CDH13: variants seen among roughly 807,000 people sequenced by gnomAD.
The protein encoded by CDH13 is cadherin-13.
CDH13 carries 24 observed loss-of-function variants against 63.8 expected under a neutral mutation model. The observed-to-expected ratio is 0.38, with a 90% confidence interval of 0.27 to 0.53. CDH13 has a LOEUF of 0.53. CDH13 is among the 20% of genes least tolerant of loss of function. The pLI is 0.85. For synonymous variants in CDH13, 503 were observed against 355.3 expected, an observed-to-expected ratio of 1.42 and a Z score of -4.67; for missense variants, 1,049 against 903.1, an observed-to-expected ratio of 1.16 and a Z score of -2.07.
At chr16:83,049,536 C>T (rs887066533) in intron 3 of CDH13, among the ~76,000 whole-genome samples, 8 of 151,938 alleles carry the variant, frequency 5.3e-5, no homozygotes, top group Admixed American at 6.6e-5. Flanking sequence ...CGGGTTTCAC[C>T]GTGTTAGCCA....
intron 4 of CDH13, among the ~76,000 whole-genome samples, chr16:83,125,828 G>C (rs974282700): frequency 6.6e-6 from 1 of 152,080 alleles, no homozygotes; most frequent in African/African-American, 2.4e-5. Flanking sequence ...GGGCCCCCTA[G>C]GATGGTAGTA....
chr16:82,712,967 T>G (rs2032068214), intron 1 of CDH13, among the ~76,000 whole-genome samples: 1 of 152,140 alleles, frequency 6.6e-6, no homozygotes, highest in African/African-American at 2.4e-5. Context: ...TTTCTCTCTA[T>G]TGACCCTCAG....
intron 5 of CDH13, among the ~76,000 whole-genome samples, chr16:83,231,926 C>T (rs2040007508): frequency 6.6e-6 from 1 of 152,278 alleles, no homozygotes; most frequent in South Asian, 2.1e-4. Flanking sequence ...TCAGCTATTT[C>T]ACATGAGATC....
At chr16:83,141,848 ATTC>A (rs2036542216) in intron 4 of CDH13, among the ~76,000 whole-genome samples, 2 of 152,124 alleles carry the variant, frequency 1.3e-5, no homozygotes, top group African/African-American at 4.8e-5. Flanking sequence ...ACATGAATTC[ATTC>A]TTTTTTATGG....
intron 2 of CDH13, among the ~76,000 whole-genome samples, chr16:82,958,724 C>T (rs1343130362): frequency 2.0e-5 from 3 of 152,220 alleles, no homozygotes; most frequent in Admixed American, 1.3e-4. Context: ...AGCCGCAGGT[C>T]ACAGGCTCCA....
chr16:83,475,674 C>T (rs565238078), intron 6 of CDH13, among the ~76,000 whole-genome samples: 5 of 151,196 alleles, frequency 3.3e-5, no homozygotes, highest in South Asian at 2.1e-4. Context: ...CTTCGCCTCT[C>T]GTGTTCAAGC....
At chr16:83,711,872 T>C (rs1567539786) in intron 10 of CDH13, among the ~76,000 whole-genome samples, 1 of 152,226 alleles carries the variant, frequency 6.6e-6, no homozygotes, top group South Asian at 2.1e-4. Context: ...AGGGTTGCCA[T>C]AACAAAGTAC....
chr16:82,877,576 A>G (rs2040546063), intron 2 of CDH13, among the ~76,000 whole-genome samples: 1 of 152,176 alleles, frequency 6.6e-6, no homozygotes, highest in East Asian at 1.9e-4. Context: ...ACAGCAATGC[A>G]ATGGGGGGAA....
At chr16:82,864,162 C>A (rs535812636) in intron 2 of CDH13, among the ~76,000 whole-genome samples, 52 of 152,238 alleles carry the variant, frequency 3.4e-4, no homozygotes, top group African/African-American at 1.3e-3. Context: ...ACCCTTTTTG[C>A]TCTTCACTTT....
chr16:83,524,407 G>T (rs926982892), intron 7 of CDH13, among the ~76,000 whole-genome samples: 1 of 151,176 alleles, frequency 6.6e-6, no homozygotes, highest in Non-Finnish European at 1.5e-5. Context: ...TCTAGCAGGT[G>T]GACTGAGAGT....
chr16:83,254,081 C>A (rs1307293324), intron 5 of CDH13, among the ~76,000 whole-genome samples: 2 of 152,072 alleles, frequency 1.3e-5, no homozygotes, highest in African/African-American at 4.8e-5. Context: ...TTCCTTTGAC[C>A]CAAAGATGGA....
At chr16:83,621,393 G>C (rs1194539098) in intron 8 of CDH13, among the ~76,000 whole-genome samples, 4 of 149,012 alleles carry the variant, frequency 2.7e-5, no homozygotes, top group Non-Finnish European at 5.9e-5. Flanking sequence ...AAGCAGCCCA[G>C]GTCTATTACC....
intron 1 of CDH13, among the ~76,000 whole-genome samples, chr16:82,659,078 T>A (rs1288104748): frequency 6.6e-6 from 1 of 152,190 alleles, no homozygotes; most frequent in Non-Finnish European, 1.5e-5. Context: ...GCAGGTAATA[T>A]GCTTCCCATT....
intron 5 of CDH13, among the ~76,000 whole-genome samples, chr16:83,275,574 AGC>A (rs1044485249): frequency 1.8e-3 from 117 of 66,454 alleles, no homozygotes; most frequent in African/African-American, 7.9e-3. Context: ...GAGCTCAGAA[AGC>A]GTGTATAGGA....
chr16:83,397,055 C>G (rs117180324), intron 6 of CDH13, among the ~76,000 whole-genome samples: 4,563 of 152,188 alleles, frequency 0.03, 98 homozygotes, highest in Non-Finnish European at 0.043. Context: ...TCTATGTCCT[C>G]GCTCTGGCCC....
intron 9 of CDH13, among the ~76,000 whole-genome samples, chr16:83,674,807 T>G (rs891151374): frequency 6.6e-6 from 1 of 152,254 alleles, no homozygotes; most frequent in Admixed American, 6.5e-5. Context: ...AAACCGATTC[T>G]AAAACCACCA....
At chr16:83,105,700 C>G (rs955571969) in intron 3 of CDH13, among the ~76,000 whole-genome samples, 1 of 152,114 alleles carries the variant, frequency 6.6e-6, no homozygotes, top group Non-Finnish European at 1.5e-5. Context: ...GTAATGGGAC[C>G]TGGCAGATGA....
intron 2 of CDH13, among the ~76,000 whole-genome samples, chr16:82,945,539 C>G (rs1486435734): frequency 2.0e-5 from 3 of 152,116 alleles, no homozygotes; most frequent in African/African-American, 4.8e-5. Flanking sequence ...AACAAAATAT[C>G]TTCTTAGGGC....
chr16:82,780,318 T>C (rs560172941), intron 1 of CDH13, among the ~76,000 whole-genome samples: 1 of 152,300 alleles, frequency 6.6e-6, no homozygotes, highest in African/African-American at 2.4e-5. Flanking sequence ...AAGAGTTTTC[T>C]CTCCTTGCCA....
Sources: gnomAD v4.1 joint callset for allele counts (sites outside exome capture counted in the v4.1 genomes callset) on GRCh38, gnomAD v4.1.1 for gene constraint, MANE v1.5 for transcripts, NCBI Gene and HGNC (gene_info 2026-07-23, HGNC 2026-07-21) for gene names.